Variants in TMEM132D observed in about 807,000 individuals in gnomAD.
The protein encoded by TMEM132D is mature OL transmembrane protein.
Under a neutral mutation model 62.3 loss-of-function variants are expected in TMEM132D, and 21 were observed. That is an observed-to-expected ratio of 0.34 (90% CI 0.24 to 0.49). The LOEUF (loss-of-function observed/expected upper bound fraction) is 0.49. Among genes scored for constraint, TMEM132D ranks in the 20% least tolerant of loss-of-function variants. The pLI is 0.99. For synonymous variants in TMEM132D, 621 were observed against 575.6 expected (o/e 1.08, Z -1.13); for missense variants, 1,346 against 1,402.8 (o/e 0.96, Z 0.65).
At chr12:129,646,447 G>C (rs1184902747) in intron 2 of TMEM132D, among the ~76,000 whole-genome samples, 1 of 152,122 alleles carries the variant, frequency 6.6e-6, no homozygotes, top group Non-Finnish European at 1.5e-5. Flanking sequence ...GAGCTTCTTA[G>C]GGTATCTCCC....
chr12:129,536,078 C>T (rs1876379001), intron 2 of TMEM132D, among the ~76,000 whole-genome samples: 1 of 152,194 alleles, frequency 6.6e-6, no homozygotes, highest in African/African-American at 2.4e-5. Flanking sequence ...ATCCAAACTT[C>T]TGGACTGCTT....
At chr12:129,295,559 T>C (rs1476970945) in intron 4 of TMEM132D, among the ~76,000 whole-genome samples, 1 of 151,090 alleles carries the variant, frequency 6.6e-6, no homozygotes, top group Admixed American at 6.6e-5. Context: ...GTCTCCCAAG[T>C]AGCTGAGTTT....
intron 1 of TMEM132D, among the ~76,000 whole-genome samples, chr12:129,786,754 G>A (rs982078214): frequency 6.6e-6 from 1 of 152,212 alleles, no homozygotes; most frequent in Admixed American, 6.5e-5. Context: ...GGCTGAGCTT[G>A]GTGGTACATG....
intron 3 of TMEM132D, among the ~76,000 whole-genome samples, chr12:129,421,532 C>T (rs1012491265): frequency 6.6e-6 from 1 of 152,274 alleles, no homozygotes; most frequent in South Asian, 2.1e-4. Context: ...TCCAGAACAA[C>T]TATCCTCCCA....
At chr12:129,301,545 T>A (rs1393232496) in intron 4 of TMEM132D, among the ~76,000 whole-genome samples, 1 of 152,178 alleles carries the variant, frequency 6.6e-6, no homozygotes, top group Non-Finnish European at 1.5e-5. Flanking sequence ...TTTTCCAAAT[T>A]GGGAACTCAC....
At chr12:129,685,387 C>G (rs1027583929) in intron 2 of TMEM132D, among the ~76,000 whole-genome samples, 2 of 152,246 alleles carry the variant, frequency 1.3e-5, no homozygotes, top group South Asian at 4.1e-4. Context: ...ACAGCTCAGG[C>G]CATGGCTTCA....
intron 5 of TMEM132D, chr12:129,109,733 G>A: frequency 6.1e-6 from 1 of 163,436 alleles, no homozygotes; most frequent in South Asian, 1.8e-4. Flanking sequence ...CCATGATTCT[G>A]AGGCCTCCCT....
intron 1 of TMEM132D, among the ~76,000 whole-genome samples, chr12:129,777,295 T>C (rs939129099): frequency 2.0e-5 from 3 of 152,210 alleles, no homozygotes; most frequent in African/African-American, 7.2e-5. Flanking sequence ...CCCTACTCGT[T>C]GTCAAGAAGC....
chr12:129,753,162 G>A (rs35288966), intron 1 of TMEM132D, among the ~76,000 whole-genome samples: 44,155 of 152,146 alleles, frequency 0.29, 7,314 homozygotes, highest in Middle Eastern at 0.4. Flanking sequence ...CTGTAAACCC[G>A]GGTTTACTAG....
intron 2 of TMEM132D, among the ~76,000 whole-genome samples, chr12:129,535,777 C>CGTGTGTGT (rs779067793): frequency 0.013 from 992 of 74,680 alleles, 6 homozygotes; most frequent in Middle Eastern, 0.072. Flanking sequence ...GATTTGTGTG[C>CGTGTGTGT]GTGTGTGTGT....
chr12:129,659,604 T>TAAAAA (rs34095467), intron 2 of TMEM132D, among the ~76,000 whole-genome samples: 1 of 149,718 alleles, frequency 6.7e-6, no homozygotes, highest in African/African-American at 2.5e-5. Context: ...GATAAATGGG[T>TAAAAA]AAAAAAAAAA....
intron 2 of TMEM132D, among the ~76,000 whole-genome samples, chr12:129,578,314 A>G (rs1877735632): frequency 6.6e-6 from 1 of 151,770 alleles, no homozygotes. Context: ...AACCAACATG[A>G]TCATATGAGA....
intron 1 of TMEM132D, among the ~76,000 whole-genome samples, chr12:129,707,149 A>G (rs939760833): frequency 1.4e-5 from 2 of 147,438 alleles, no homozygotes; most frequent in Admixed American, 6.8e-5. Flanking sequence ...TTGCATTAGG[A>G]AAAATATATA....
At chr12:129,563,412 T>C (rs975982110) in intron 2 of TMEM132D, among the ~76,000 whole-genome samples, 2 of 152,210 alleles carry the variant, frequency 1.3e-5, no homozygotes, top group African/African-American at 2.4e-5. Context: ...AGGATATAGA[T>C]GGATATCTTT....
intron 3 of TMEM132D, among the ~76,000 whole-genome samples, chr12:129,411,059 G>A (rs1871954863): frequency 6.6e-6 from 1 of 152,044 alleles, no homozygotes; most frequent in Non-Finnish European, 1.5e-5. Context: ...AAATATGAAT[G>A]CTGATAATTT....
intron 1 of TMEM132D, among the ~76,000 whole-genome samples, chr12:129,741,849 G>A (rs952635194): frequency 6.6e-6 from 1 of 152,170 alleles, no homozygotes; most frequent in Admixed American, 6.5e-5. Context: ...GAATGTCTGC[G>A]ATGTTGATAC....
chr12:129,518,085 T>A (rs930859404), intron 3 of TMEM132D, among the ~76,000 whole-genome samples: 4 of 152,138 alleles, frequency 2.6e-5, no homozygotes, highest in East Asian at 1.9e-4. Flanking sequence ...CAAAGAAAGT[T>A]TTTTCCCCCC....
At chr12:129,127,700 C>A (rs1205463799) in intron 5 of TMEM132D, among the ~76,000 whole-genome samples, 1 of 152,094 alleles carries the variant, frequency 6.6e-6, no homozygotes, top group African/African-American at 2.4e-5. Context: ...TTCAACAAAA[C>A]CATGACGAGT....
intron 1 of TMEM132D, among the ~76,000 whole-genome samples, chr12:129,790,471 C>T (rs1249685488): frequency 2.0e-5 from 3 of 152,130 alleles, no homozygotes; most frequent in Non-Finnish European, 4.4e-5. Context: ...AATCTTTCCC[C>T]GGAGTAGGGC....
Sources: allele counts gnomAD v4.1 joint callset (sites outside exome capture counted in the v4.1 genomes callset), GRCh38; gene constraint gnomAD v4.1.1; transcripts MANE v1.5; gene names NCBI Gene and HGNC (gene_info 2026-07-23, HGNC 2026-07-21).